The following BRINP1 variants were observed in gnomAD, a reference collection of about 807,000 sequenced individuals.
The protein encoded by BRINP1 is BMP/retinoic acid-inducible neural-specific protein 1.
In BRINP1, 17 loss-of-function variants were observed where a neutral mutation model predicts 72.9. The observed-to-expected ratio is 0.23, with a 90% confidence interval of 0.16 to 0.35. The LOEUF is 0.35. BRINP1 is among the 10% of genes least tolerant of loss of function. The pLI is 1.00. For missense variants in BRINP1, 850 were observed against 1,001.6 expected, an observed-to-expected ratio of 0.85 and a Z score of 2.04; for synonymous variants, 418 against 378.5, an observed-to-expected ratio of 1.10 and a Z score of -1.21.
chr9:119,171,057 A>G (rs1279058419), intron 7 of BRINP1, among the ~76,000 whole-genome samples: 13 of 149,034 alleles, frequency 8.7e-5, no homozygotes, highest in Admixed American at 4.0e-4. Context: ...TCAAGACTAG[A>G]AAGAAACTGC....
chr9:119,202,016 G>C (rs1829810285), intron 7 of BRINP1, among the ~76,000 whole-genome samples: 1 of 151,798 alleles, frequency 6.6e-6, no homozygotes, highest in African/African-American at 2.4e-5. Flanking sequence ...ATGCAATGCA[G>C]TTTTTAGTCT....
intron 1 of BRINP1, among the ~76,000 whole-genome samples, chr9:119,331,477 C>T (rs912667496): frequency 1.3e-5 from 2 of 152,212 alleles, no homozygotes; most frequent in Non-Finnish European, 2.9e-5. Flanking sequence ...GAAATAACAG[C>T]AATTTGTCAA....
In BRINP1 at chr9:119,213,120, G is replaced by A. The variant is rs1391576035; in HGVS notation, c.922+799C>T. 3.3e-5 allele frequency among the ~76,000 whole-genome samples: 5 copies of A among 152,112 alleles called. No homozygotes were observed. In the East Asian group the frequency reaches 9.7e-4, roughly 29 times the overall value. ...ATCACCTTCTCATATCTGCACCATA[G>A]TCAGATACTTCCATTTCTGTTCTTT... On this transcript the variant is annotated intron_variant, in intron 6 of 7. Transcript: ENST00000265922.
chr9:119,331,025 T>A (rs1183068180), intron 1 of BRINP1, among the ~76,000 whole-genome samples: 1 of 152,090 alleles, frequency 6.6e-6, no homozygotes, highest in East Asian at 1.9e-4. Flanking sequence ...AGAATCCATC[T>A]CAAAAAAACA....
Position 119,208,930 on chromosome 9 carries a change from A to T in BRINP1, c.934T>A (p.Ser312Thr). Residue 312 changes from serine (S) to threonine (T), a missense_variant, in exon 7 of 8, where the codon TCA becomes ACA. Physicochemically the swap from Ser to Thr is moderately conservative, Grantham distance 58. Coordinates refer to ENST00000265922, the MANE Select transcript of BRINP1 (RefSeq NM_014618.3). Reference sequence around the variant, plus strand: ...TTGCTGGGGAGGCGCTTCATAAATGATTTAAACTCATCTAGTGAGAGACAA... The same window carrying T: ...TTGCTGGGGAGGCGCTTCATAAATGTTTTAAACTCATCTAGTGAGAGACAA... Reference protein sequence around the residue: ...KDLENSDEFKSFMKRLPSNHF... With the variant: ...KDLENSDEFKTFMKRLPSNHF... 6.2e-7 allele frequency: 1 copy of T among 1,613,712 alleles called. No individual in the cohort carries two copies. Among genetic ancestry groups the T allele is most frequent in the Non-Finnish European group, 8.5e-7 (1 of 1,179,650 alleles).
At chr9:119,223,220 T>G (rs1347655958) in intron 5 of BRINP1, among the ~76,000 whole-genome samples, 1 of 152,146 alleles carries the variant, frequency 6.6e-6, no homozygotes, top group Non-Finnish European at 1.5e-5. Context: ...TGAGCTATTT[T>G]ATATCTTGAT....
chr9:119,290,618 A>G (rs1830811686), intron 2 of BRINP1, among the ~76,000 whole-genome samples: 1 of 152,094 alleles, frequency 6.6e-6, no homozygotes, highest in African/African-American at 2.4e-5. Context: ...CTGAATATGG[A>G]TATTTGGGAG....
intron 1 of BRINP1, among the ~76,000 whole-genome samples, chr9:119,367,221 G>GTGTGATATATATATATATATATATATAT (rs1564259756): frequency 3.0e-5 from 3 of 99,846 alleles, no homozygotes; most frequent in Non-Finnish European, 5.7e-5. Context: ...GTGTGTGATT[G>GTGTGATATATATATATATATATATATAT]ATATATATAT....
Position 119,167,053 on chromosome 9 carries a change from A to G in BRINP1, c.*31T>C, listed in dbSNP as rs369586476. ...TTTGTTCTGTTGTGTGTGTACAACA[A>G]CAGGAAAAGTCCATGGCAAGGAGTC... On this transcript the variant is annotated 3_prime_UTR_variant, in exon 8 of 8. Transcript: ENST00000265922. The surrounding 1 kb of genome is among the most constrained non-coding windows in gnomAD (Gnocchi z 4.3). The G allele has an allele frequency of 4.5e-6, 7 of 1,559,288 alleles. No individual in the cohort carries two copies. Among genetic ancestry groups the G allele is most frequent in the Non-Finnish European group, 6.1e-6 (7 of 1,150,660 alleles).
chr9:119,340,931 C>T (rs549967328), intron 1 of BRINP1, among the ~76,000 whole-genome samples: 46 of 152,202 alleles, frequency 3.0e-4, no homozygotes, highest in African/African-American at 1.1e-3. Flanking sequence ...TGAAAAGGCT[C>T]GAAGAGGGAG....
chr9:119,243,396 G>A (rs138960455), intron 3 of BRINP1, among the ~76,000 whole-genome samples: 42 of 151,918 alleles, frequency 2.8e-4, no homozygotes, highest in East Asian at 1.9e-4. Flanking sequence ...TTCTTTTTTC[G>A]GGCTGCATAG....
chr9:119,269,523 CCCCCA>C (rs1830586556), intron 2 of BRINP1, among the ~76,000 whole-genome samples: 1 of 152,150 alleles, frequency 6.6e-6, no homozygotes, highest in Admixed American at 6.5e-5. Flanking sequence ...GGTCTTCCTA[CCCCCA>C]CCCCTGTTTA....
intron 2 of BRINP1, chr9:119,282,797 T>C: frequency 5.1e-6 from 5 of 985,212 alleles, no homozygotes; most frequent in Non-Finnish European, 6.0e-6. Context: ...ATGTTTTTCA[T>C]GTTGAGTGAA....
At chr9:119,314,810 C>T (rs1210845556) in intron 1 of BRINP1, among the ~76,000 whole-genome samples, 1 of 152,194 alleles carries the variant, frequency 6.6e-6, no homozygotes, top group Non-Finnish European at 1.5e-5. Context: ...ATAGCACCTA[C>T]ACTCAGAACC....
chr9:119,333,278 T>A (rs1384624814), intron 1 of BRINP1, among the ~76,000 whole-genome samples: 1 of 151,616 alleles, frequency 6.6e-6, no homozygotes, highest in African/African-American at 2.4e-5. Context: ...CTGGGCAACA[T>A]GGCAAAACCC....
intron 1 of BRINP1, among the ~76,000 whole-genome samples, chr9:119,362,147 C>T (rs1050468129): frequency 3.5e-5 from 5 of 143,852 alleles, no homozygotes; most frequent in African/African-American, 1.3e-4. Flanking sequence ...AGGCAATATA[C>T]CTTCAGTGAA....
At chr9:119,184,189 T>C (rs114209693) in intron 7 of BRINP1, among the ~76,000 whole-genome samples, 44 of 152,132 alleles carry the variant, frequency 2.9e-4, no homozygotes, top group Non-Finnish European at 8.8e-5. Flanking sequence ...TTGCTACAAA[T>C]GCAGAATAAC....
chr9:119,166,800 C>A lies in BRINP1; in HGVS notation c.*284G>T. 2.9e-6 allele frequency: 1 copy of A among 348,402 alleles called. No individual in the cohort carries two copies. The highest frequency in any genetic ancestry group is 4.0e-5 in the South Asian group (1 of 24,778). 21.6% of individuals were successfully genotyped at this position (348,402 alleles called of 1,614,324 possible). A position where few individuals can be genotyped will look rare whatever the true frequency, so the allele number is the denominator to read the frequency against. On this transcript the variant is annotated 3_prime_UTR_variant, in exon 8 of 8. Transcript: ENST00000265922. ...CATTGCATATGCTTTCTCCCTTCTC[C>A]CCCAATACAGCACCTGAGGCCTAAG...
chr9:119,329,804 T>C (rs949825677), intron 1 of BRINP1, among the ~76,000 whole-genome samples: 23 of 152,286 alleles, frequency 1.5e-4, no homozygotes, highest in African/African-American at 5.3e-4. Context: ...TCCTATTTCA[T>C]AGGTGAGAAA....
Sources: allele counts gnomAD v4.1 joint callset (sites outside exome capture counted in the v4.1 genomes callset), GRCh38; gene constraint gnomAD v4.1.1; non-coding constraint Gnocchi (gnomAD v3.1); transcripts MANE v1.5; gene names NCBI Gene and HGNC (gene_info 2026-07-23, HGNC 2026-07-21).